Variants in NELL1 observed in about 807,000 individuals in gnomAD.
The protein encoded by NELL1 is neural EGFL like 1.
In NELL1, 76 loss-of-function variants were observed where a neutral mutation model predicts 107.4. The observed-to-expected ratio is 0.71, with a 90% CI of 0.59 to 0.86. The LOEUF (loss-of-function observed/expected upper bound fraction) is 0.86. NELL1 is among the 40% of genes least tolerant of loss of function. The pLI is 0.00. For synonymous variants in NELL1, 353 were observed against 341.2 expected (o/e 1.03, Z -0.38); for missense variants, 1,024 against 1,005.5 (o/e 1.02, Z -0.25).
At chr11:21,278,798 GGACA>G (rs1335525933) in intron 14 of NELL1, among the ~76,000 whole-genome samples, 1 of 152,052 alleles carries the variant, frequency 6.6e-6, no homozygotes, top group African/African-American at 2.4e-5. Context: ...AAGTTTATAT[GGACA>G]GACAAAGACT....
chr11:21,108,789 G>A (rs1855033689), intron 12 of NELL1, among the ~76,000 whole-genome samples: 1 of 152,048 alleles, frequency 6.6e-6, no homozygotes, highest in Non-Finnish European at 1.5e-5. Flanking sequence ...AAAGAGCCAA[G>A]GAAGCAGTGA....
At chr11:20,670,804 G>C (rs1590193095) in intron 1 of NELL1, 1 of 128,828 alleles carries the variant, frequency 7.8e-6, no homozygotes, top group East Asian at 1.9e-4. Flanking sequence ...CCCAGAATCT[G>C]TGTGGTCATT....
chr11:21,160,426 T>A (rs1248530771), intron 13 of NELL1, among the ~76,000 whole-genome samples: 1 of 152,142 alleles, frequency 6.6e-6, no homozygotes, highest in Non-Finnish European at 1.5e-5. Flanking sequence ...AGAAAGGAGT[T>A]TTTATTTTAA....
chr11:21,563,727 G>C (rs1044339729), intron 17 of NELL1, among the ~76,000 whole-genome samples: 1 of 151,870 alleles, frequency 6.6e-6, no homozygotes, highest in African/African-American at 2.4e-5. Context: ...TCTGTGCAGA[G>C]GTCCTTGAAC....
At chr11:20,860,547 T>C (rs1020338658) in intron 4 of NELL1, among the ~76,000 whole-genome samples, 5 of 152,210 alleles carry the variant, frequency 3.3e-5, no homozygotes, top group African/African-American at 1.2e-4. Flanking sequence ...GGGGGTATCA[T>C]GAGGTTCAAA....
At chr11:21,489,019 A>G (rs1004698305) in intron 15 of NELL1, among the ~76,000 whole-genome samples, 1 of 152,016 alleles carries the variant, frequency 6.6e-6, no homozygotes, top group African/African-American at 2.4e-5. Context: ...AAAAGGAACA[A>G]AATTGAAAAA....
chr11:21,296,297 A>T (rs568291078), intron 14 of NELL1, among the ~76,000 whole-genome samples: 13 of 152,036 alleles, frequency 8.6e-5, no homozygotes, highest in Admixed American at 1.3e-4. Flanking sequence ...AATAAATTTT[A>T]AAAAAAGACC....
At chr11:21,413,732 T>C (rs531080922) in intron 15 of NELL1, among the ~76,000 whole-genome samples, 1 of 152,060 alleles carries the variant, frequency 6.6e-6, no homozygotes, top group Non-Finnish European at 1.5e-5. Context: ...CTGTGTGGAA[T>C]AGCAAAGCAA....
intron 12 of NELL1, among the ~76,000 whole-genome samples, chr11:21,013,032 T>C (rs1852482310): frequency 6.6e-6 from 1 of 152,130 alleles, no homozygotes; most frequent in Non-Finnish European, 1.5e-5. Context: ...AAGGATTTGT[T>C]TTGGAGAAGG....
At chr11:20,719,388 C>T (rs1442103242) in intron 2 of NELL1, among the ~76,000 whole-genome samples, 3 of 151,122 alleles carry the variant, frequency 2.0e-5, no homozygotes, top group Non-Finnish European at 4.4e-5. Context: ...ATTGTCAGAA[C>T]AAGGCCAGAA....
chr11:21,423,837 C>A (rs1268914935), intron 15 of NELL1, among the ~76,000 whole-genome samples: 1 of 152,088 alleles, frequency 6.6e-6, no homozygotes, highest in African/African-American at 2.4e-5. Context: ...GGAAAAATTA[C>A]AAATTGGTAG....
chr11:20,974,084 G>A (rs2134233427), intron 12 of NELL1, among the ~76,000 whole-genome samples: 1 of 152,338 alleles, frequency 6.6e-6, no homozygotes, highest in South Asian at 2.1e-4. Flanking sequence ...GTGCCAGAAT[G>A]TAAGCCTTAT....
At chr11:21,120,208 AAAAG>A (rs1855333068) in intron 13 of NELL1, among the ~76,000 whole-genome samples, 2 of 152,186 alleles carry the variant, frequency 1.3e-5, no homozygotes, top group Admixed American at 1.3e-4. Context: ...CACTATAATG[AAAAG>A]AGATTAGACA....
chr11:21,470,719 C>A (rs548658049), intron 15 of NELL1, among the ~76,000 whole-genome samples: 1 of 152,056 alleles, frequency 6.6e-6, no homozygotes, highest in African/African-American at 2.4e-5. Flanking sequence ...ATATTGCCAG[C>A]ATCTAGCAGA....
chr11:21,222,346 ATTTTTTGTAT>A (rs1389196465), intron 13 of NELL1, among the ~76,000 whole-genome samples: 5 of 150,934 alleles, frequency 3.3e-5, no homozygotes, highest in South Asian at 2.1e-4. Flanking sequence ...CACCTGGCTA[ATTTTTTGTAT>A]TTTTTTGTAT....
chr11:20,708,740 C>T (rs1286648612), intron 2 of NELL1, among the ~76,000 whole-genome samples: 1 of 151,972 alleles, frequency 6.6e-6, no homozygotes, highest in Non-Finnish European at 1.5e-5. Context: ...TAGGTCCCAT[C>T]CATTTATTTT....
chr11:21,402,423 A>C (rs1036547585), intron 15 of NELL1, among the ~76,000 whole-genome samples: 1 of 151,814 alleles, frequency 6.6e-6, no homozygotes, highest in Non-Finnish European at 1.5e-5. Context: ...TTTGGCATGA[A>C]ATGCTGGTTT....
intron 15 of NELL1, among the ~76,000 whole-genome samples, chr11:21,509,440 T>C (rs1484305440): frequency 6.6e-6 from 1 of 152,144 alleles, no homozygotes; most frequent in East Asian, 1.9e-4. Flanking sequence ...TTGATTGTGA[T>C]TGCAAATATC....
intron 3 of NELL1, among the ~76,000 whole-genome samples, chr11:20,796,805 T>C (rs1009600164): frequency 1.4e-4 from 21 of 152,102 alleles, no homozygotes; most frequent in African/African-American, 5.1e-4. Flanking sequence ...AGTGCCCTGA[T>C]AGGAGGAATA....
Sources: gnomAD v4.1 joint callset for allele counts (sites outside exome capture counted in the v4.1 genomes callset) on GRCh38, gnomAD v4.1.1 for gene constraint, MANE v1.5 for transcripts, NCBI Gene and HGNC (gene_info 2026-07-23, HGNC 2026-07-21) for gene names.